The following AGAP3 variants were observed in gnomAD, a reference collection of about 807,000 sequenced individuals.
AGAP3 encodes arf-GAP with GTPase, ANK repeat and PH domain-containing protein 3.
AGAP3 carries 24 observed loss-of-function variants against 96.9 expected under a neutral mutation model. The observed-to-expected ratio is 0.25, with a 90% CI of 0.18 to 0.35. AGAP3 has a LOEUF of 0.35. Among genes scored for constraint, AGAP3 ranks in the 10% least tolerant of loss-of-function variants. The pLI, the probability that AGAP3 is intolerant of heterozygous loss-of-function variation, is 1.00. For missense variants in AGAP3, 876 were observed against 1,254.2 expected, an observed-to-expected ratio of 0.70 and a Z score of 4.55; for synonymous variants, 563 against 536.1, an observed-to-expected ratio of 1.05 and a Z score of -0.69.
intron 9 of AGAP3, among the ~76,000 whole-genome samples, chr7:151,126,244 GGTCGGAAAGGAGGT>G (rs994518090): frequency 5.9e-5 from 9 of 152,188 alleles, no homozygotes; most frequent in African/African-American, 1.2e-4. Flanking sequence ...CACGTGTCTG[GGTCGGAAAGGAGGT>G]GCGGAGACCC....
intron 1 of AGAP3, among the ~76,000 whole-genome samples, chr7:151,110,368 G>A (rs1799229981): frequency 6.6e-6 from 1 of 152,212 alleles, no homozygotes; most frequent in African/African-American, 2.4e-5. Flanking sequence ...TCCCAAGGAA[G>A]GGATGCTTCA....
chr7:151,098,798 T>A (rs543741936), intron 1 of AGAP3, among the ~76,000 whole-genome samples: 63 of 148,034 alleles, frequency 4.3e-4, no homozygotes, highest in African/African-American at 1.5e-3. Flanking sequence ...AGTGGTGCAG[T>A]CTTGGCTCAC....
rs1012715384 is a variant in AGAP3, at chr7:151,114,931, C to T, written c.332-1862C>T. 7.5e-5 allele frequency: 74 copies of T among 986,324 alleles called. No individual in the cohort carries two copies. Among genetic ancestry groups the T allele is most frequent in the Non-Finnish European group, 8.8e-5 (73 of 832,748 alleles). 61.1% of individuals were successfully genotyped at this position (986,324 alleles called of 1,614,324 possible). ...GCCCTCTGCGCCGCCAGTGAGCAGC[C>T]GGCGCGGCCGCGGAGCGTGTGCTCG... On this transcript the variant is annotated intron_variant, in intron 1 of 17. Transcript: ENST00000397238. This position sits in a 1 kb window ranked among gnomAD's most constrained non-coding sequence, Gnocchi z 4.4.
intron 10 of AGAP3, among the ~76,000 whole-genome samples, chr7:151,130,052 G>T (rs1453682167): frequency 1.3e-5 from 2 of 152,224 alleles, no homozygotes; most frequent in African/African-American, 4.8e-5. Flanking sequence ...GCTTAGCCGT[G>T]CCCTCTGCTC....
intron 11 of AGAP3, among the ~76,000 whole-genome samples, chr7:151,135,406 G>T (rs1323824557): frequency 6.6e-6 from 1 of 152,242 alleles, no homozygotes; most frequent in Non-Finnish European, 1.5e-5. Context: ...CACCTCCCTA[G>T]AGGGCCTGTG....
At chr7:151,127,332 G>A (rs903677866) in intron 9 of AGAP3, among the ~76,000 whole-genome samples, 3 of 152,136 alleles carry the variant, frequency 2.0e-5, no homozygotes, top group African/African-American at 4.8e-5. Flanking sequence ...ATGCCATCGC[G>A]GGGCCTCTTC....
chr7:151,122,709 C>T (rs746246221), intron 8 of AGAP3: 4 of 1,613,714 alleles, frequency 2.5e-6, no homozygotes, highest in African/African-American at 1.3e-5. Flanking sequence ...AATCTTTATT[C>T]TTTCGATATT....
At chr7:151,135,497 G>T (rs935219024) in intron 11 of AGAP3, among the ~76,000 whole-genome samples, 2 of 152,228 alleles carry the variant, frequency 1.3e-5, no homozygotes, top group Non-Finnish European at 2.9e-5. Context: ...TGGAATGGAT[G>T]GGAGAGACCC....
Position 151,120,063 on chromosome 7 carries a change from A to G in AGAP3, c.1046A>G (p.Glu349Gly). 1 of 1,613,742 alleles carries G rather than the reference A, an allele frequency of 6.2e-7. No individual in the cohort carries two copies. Among genetic ancestry groups the G allele is most frequent in the Non-Finnish European group, 8.5e-7 (1 of 1,179,874 alleles). ...TCCACCCCCAGCATCAGCCAGCGGGAGCTGCGCATCGAGACCATCGCTGCC... is the reference window on the plus strand; with the variant it reads ...TCCACCCCCAGCATCAGCCAGCGGGGGCTGCGCATCGAGACCATCGCTGCC... ...VPSTPSISQR[E>G]LRIETIAASS... Residue 349 changes from glutamate to glycine, a missense_variant, in exon 8 of 18, where the codon GAG (glutamate) becomes GGG (glycine). By Grantham distance (98) the Glu-to-Gly change is moderately conservative. Coordinates refer to ENST00000397238, the MANE Select transcript of AGAP3 (RefSeq NM_031946.7).
Position 151,140,679 on chromosome 7 carries a change from C to A in AGAP3, c.1804+563C>A, listed in dbSNP as rs1432632211. On this transcript the variant is annotated intron_variant, in intron 13 of 17. Transcript: ENST00000397238. This position sits in a 1 kb window ranked among gnomAD's most constrained non-coding sequence, Gnocchi z 5.4. ...CTTTGCTCCCAAATAAGTTTAACTT[C>A]TACAGACTCATAATTTCTCACTTCT... The A allele has an allele frequency of 6.6e-6, 1 of 152,206 alleles. No individual in the cohort carries two copies. The highest frequency in any genetic ancestry group is 2.4e-5 in the African/African-American group (1 of 41,424). The allele number at this position is 152,206 out of a possible 1,614,324, so 9.4% of individuals were successfully genotyped here.
chr7:151,100,761 G>C (rs1291910817), intron 1 of AGAP3, among the ~76,000 whole-genome samples: 1 of 152,238 alleles, frequency 6.6e-6, no homozygotes, highest in Non-Finnish European at 1.5e-5. Context: ...AGGATCGCCT[G>C]AGCCCAGGAG....
chr7:151,105,484 G>C (rs1438845806), intron 1 of AGAP3, among the ~76,000 whole-genome samples: 3 of 151,800 alleles, frequency 2.0e-5, no homozygotes, highest in African/African-American at 7.3e-5. Context: ...TGCCAGTCAT[G>C]GTGGCTCACA....
At chr7:151,131,897 A>AGCC (rs1245420494) in intron 10 of AGAP3, among the ~76,000 whole-genome samples, 1 of 152,174 alleles carries the variant, frequency 6.6e-6, no homozygotes, top group Admixed American at 6.5e-5. Flanking sequence ...GAGCAGCCCA[A>AGCC]GCCCCTCCCC....
chr7:151,109,573 G>C (rs1799198469), intron 1 of AGAP3, among the ~76,000 whole-genome samples: 1 of 152,174 alleles, frequency 6.6e-6, no homozygotes, highest in African/African-American at 2.4e-5. Flanking sequence ...AGTCAGATTG[G>C]ATTCAGGGCC....
At position 151,120,888 on chromosome 7, in the gene AGAP3, C is replaced by T. The variant is rs924074874; in HGVS notation, c.1128+743C>T. The T allele has an allele frequency of 2.5e-5, 28 of 1,107,456 alleles. No homozygotes were observed. In the Admixed American group the frequency reaches 9.6e-4, roughly 38 times the overall value. 68.6% of individuals were successfully genotyped at this position (1,107,456 alleles called of 1,614,324 possible). ...CTGCTGTCTCTCCACTCCCAATGTG[C>T]GACACACAGTGCCCATCCAAACCCT... On this transcript the variant is annotated intron_variant, in intron 8 of 17. Transcript: ENST00000397238.
At chr7:151,117,882 T>C in intron 5 of AGAP3, 105 bp downstream of exon 5, 1 of 1,426,464 alleles carries the variant, frequency 7.0e-7, no homozygotes, top group Non-Finnish European at 9.3e-7. Flanking sequence ...GCCCCTACTC[T>C]TTTCCCAGTG....
At chr7:151,111,999 A>T (rs1799309426) in intron 1 of AGAP3, among the ~76,000 whole-genome samples, 1 of 152,170 alleles carries the variant, frequency 6.6e-6, no homozygotes, top group Non-Finnish European at 1.5e-5. Flanking sequence ...TGTGTCGAGC[A>T]CAGCTGTGTT....
chr7:151,132,290 TG>T (rs1487353510), intron 10 of AGAP3, among the ~76,000 whole-genome samples: 1 of 152,114 alleles, frequency 6.6e-6, no homozygotes, highest in East Asian at 1.9e-4. Context: ...CCTGCCTGGG[TG>T]GGAGGCTGCT....
rs924774731 is a variant in AGAP3, at chr7:151,133,808, G to A, written c.1327-592G>A. ...AGGCAGATGACATGACGGCGATGAC[G>A]ATGACTGCCGCCAGGGAATTGGTGG... On this transcript the variant is annotated intron_variant, in intron 10 of 17. Transcript: ENST00000397238. The surrounding 1 kb of genome is among the most constrained non-coding windows in gnomAD (Gnocchi z 5.4). 6.6e-6 allele frequency among the ~76,000 whole-genome samples: 1 copy of A among 152,216 alleles called. No individual in the cohort carries two copies. Among genetic ancestry groups the A allele is most frequent in the African/African-American group, 2.4e-5 (1 of 41,448 alleles).
Sources: allele counts gnomAD v4.1 joint callset (sites outside exome capture counted in the v4.1 genomes callset), GRCh38; gene constraint gnomAD v4.1.1; non-coding constraint Gnocchi (gnomAD v3.1); transcripts MANE v1.5; gene names NCBI Gene and HGNC (gene_info 2026-07-23, HGNC 2026-07-21).